CENPP: variants seen among roughly 807,000 people sequenced by gnomAD.
CENPP encodes centromere protein P.
In CENPP, 24 loss-of-function variants were observed where a neutral mutation model predicts 35.6. The observed-to-expected ratio is 0.67, with a 90% CI of 0.49 to 0.95. The LOEUF (loss-of-function observed/expected upper bound fraction) is 0.95, where lower values mean the gene tolerates loss of function less well. Among genes scored for constraint, CENPP ranks in the 40% least tolerant of loss-of-function variants. The pLI, the probability that CENPP is intolerant of heterozygous loss-of-function variation, is 0.00. For synonymous variants in CENPP, 120 were observed against 125.5 expected (o/e 0.96, Z 0.29); for missense variants, 332 against 345.3 (o/e 0.96, Z 0.31).
At chr9:92,567,399 T>TAGATAG (rs34193112) in intron 5 of CENPP, among the ~76,000 whole-genome samples, 1,730 of 136,068 alleles carry the variant, frequency 0.013, 37 homozygotes, top group African/African-American at 0.037. Flanking sequence ...TATATATAGA[T>TAGATAG]ATATATATAA....
At chr9:92,481,368 T>A (rs1016244617) in intron 5 of CENPP, among the ~76,000 whole-genome samples, 2 of 152,218 alleles carry the variant, frequency 1.3e-5, no homozygotes, top group African/African-American at 2.4e-5. Context: ...ATTTCTTTCT[T>A]TTAACAGCTT....
intron 1 of CENPP, among the ~76,000 whole-genome samples, chr9:92,330,838 G>A (rs1366372086): frequency 1.3e-5 from 2 of 151,774 alleles, no homozygotes; most frequent in Non-Finnish European, 2.9e-5. Flanking sequence ...ACAGGCACCC[G>A]CCACCACTCG....
intron 5 of CENPP, among the ~76,000 whole-genome samples, chr9:92,574,441 A>G (rs1464441228): frequency 2.0e-5 from 3 of 152,230 alleles, no homozygotes; most frequent in Non-Finnish European, 4.4e-5. Flanking sequence ...CTAACAGTGA[A>G]CAATATCTGG....
chr9:92,342,721 C>T (rs1841161376), intron 3 of CENPP, among the ~76,000 whole-genome samples: 1 of 152,216 alleles, frequency 6.6e-6, no homozygotes, highest in African/African-American at 2.4e-5. Flanking sequence ...AAACAAAGGA[C>T]TATCTCGTTT....
At chr9:92,407,576 G>C (rs1164392781) in intron 5 of CENPP, among the ~76,000 whole-genome samples, 2 of 152,190 alleles carry the variant, frequency 1.3e-5, no homozygotes, top group Non-Finnish European at 2.9e-5. Flanking sequence ...TCAAGAGCAG[G>C]CATTGTATCC....
At chr9:92,562,364 C>T (rs962622522) in intron 5 of CENPP, among the ~76,000 whole-genome samples, 2 of 151,878 alleles carry the variant, frequency 1.3e-5, no homozygotes, top group Non-Finnish European at 2.9e-5. Flanking sequence ...ACCACCACGC[C>T]CAGCTAATTT....
At chr9:92,404,574 T>C (rs1313361553) in intron 5 of CENPP, 1 of 1,293,164 alleles carries the variant, frequency 7.7e-7, no homozygotes, top group East Asian at 5.7e-5. Context: ...AGTGGGAGGG[T>C]GAATGAGAAA....
chr9:92,540,862 G>A (rs1311930726), intron 5 of CENPP, among the ~76,000 whole-genome samples: 1 of 152,130 alleles, frequency 6.6e-6, no homozygotes, highest in Non-Finnish European at 1.5e-5. Flanking sequence ...TTTGCCTTGC[G>A]AGTGTTTGCT....
intron 5 of CENPP, among the ~76,000 whole-genome samples, chr9:92,397,012 C>CA (rs1842918447): frequency 6.7e-6 from 1 of 149,838 alleles, no homozygotes; most frequent in South Asian, 2.2e-4. Context: ...CTCATCTCTA[C>CA]AAAAAAATAC....
At chr9:92,455,723 T>G (rs1414900142) in intron 5 of CENPP, among the ~76,000 whole-genome samples, 1 of 152,262 alleles carries the variant, frequency 6.6e-6, no homozygotes, top group Non-Finnish European at 1.5e-5. Context: ...GCATAGGAAT[T>G]ACATGGTGTA....
At chr9:92,505,619 A>G in intron 5 of CENPP, 1 of 1,611,178 alleles carries the variant, frequency 6.2e-7, no homozygotes, top group South Asian at 1.1e-5. Flanking sequence ...AAAGGTTTGA[A>G]AGCTAAAGGA....
intron 5 of CENPP, among the ~76,000 whole-genome samples, chr9:92,473,580 C>T (rs879296644): frequency 4.6e-5 from 7 of 152,176 alleles, no homozygotes; most frequent in African/African-American, 9.7e-5. Context: ...TTTCCACAGT[C>T]GTTCTACATG....
rs902215153 is a variant in CENPP at position 92,618,851 on chromosome 9, G to T, written c.*5702G>T. 2.9e-6 allele frequency: 1 copy of T among 350,400 alleles called. No homozygotes were observed. The highest frequency in any genetic ancestry group is 3.9e-5 in the Admixed American group (1 of 25,924). 21.7% of individuals were successfully genotyped at this position (350,400 alleles called of 1,614,324 possible). On this transcript the variant is annotated 3_prime_UTR_variant, in exon 8 of 8. Coordinates refer to ENST00000375587, the MANE Select transcript of CENPP (RefSeq NM_001012267.3). ...CTTGACCCAGGAACACATGTTAGAA[G>T]AATGTGGAACATTCCGCAAATACTG...
At chr9:92,399,246 TTCAA>T (rs1843011165) in intron 5 of CENPP, among the ~76,000 whole-genome samples, 1 of 152,198 alleles carries the variant, frequency 6.6e-6, no homozygotes, top group South Asian at 2.1e-4. Flanking sequence ...TTCAATTTTT[TTCAA>T]TCAGATAGGT....
intron 4 of CENPP, among the ~76,000 whole-genome samples, chr9:92,368,068 T>G (rs1415489001): frequency 6.6e-6 from 1 of 152,204 alleles, no homozygotes; most frequent in Non-Finnish European, 1.5e-5. Context: ...GCATGTCATG[T>G]TTTTTACTGT....
At chr9:92,537,074 C>A (rs1849198415) in intron 5 of CENPP, among the ~76,000 whole-genome samples, 1 of 151,514 alleles carries the variant, frequency 6.6e-6, no homozygotes, top group Admixed American at 6.6e-5. Context: ...TGGGGTTTCA[C>A]CATGTTGGCC....
Position 92,326,074 on chromosome 9 carries a change from C to T in CENPP, c.76C>T (p.Pro26Ser), listed in dbSNP as rs776195810. Residue 26 changes from proline to serine, a missense_variant, in exon 1 of 8, where the codon CCG becomes TCG. By Grantham distance (74) the Pro-to-Ser change is moderately conservative. Coordinates refer to ENST00000375587, the MANE Select transcript of CENPP (RefSeq NM_001012267.3). ...AALRRACEDP[P>S]APWEEKSRVQ... is the part of the protein sequence containing the mutation. ...CCTGCGGCGAGCGTGTGAGGACCCA[C>T]CGGCGCCCTGGGAAGAGAAGTCCCG... 1.9e-6 allele frequency: 3 copies of T among 1,560,382 alleles called. No homozygotes were observed. Among genetic ancestry groups the T allele is most frequent in the Non-Finnish European group, 2.6e-6 (3 of 1,152,712 alleles).
rs575060539 is a variant in CENPP at position 92,334,788 on chromosome 9, G to A, written c.289+2437G>A. 2.7e-5 allele frequency among the ~76,000 whole-genome samples: 4 copies of A among 149,924 alleles called. No homozygotes were observed. In the East Asian group the frequency reaches 6.0e-4, roughly 23 times the overall value. ...CCAGCTGCTCGGGAGGCTGAGGCAG[G>A]AGAATGGCTTGAAGCTGGGAGGCGG... On this transcript the variant is annotated intron_variant, in intron 2 of 7. Transcript: ENST00000375587.
At chr9:92,395,820 CT>C (rs879727834) in intron 5 of CENPP, among the ~76,000 whole-genome samples, 295 of 141,814 alleles carry the variant, frequency 2.1e-3, no homozygotes, top group African/African-American at 4.2e-3. Context: ...GATGACTTGT[CT>C]TTTTTTTTTT....
Sources: allele counts gnomAD v4.1 joint callset (sites outside exome capture counted in the v4.1 genomes callset), GRCh38; gene constraint gnomAD v4.1.1; transcripts MANE v1.5; gene names NCBI Gene and HGNC (gene_info 2026-07-23, HGNC 2026-07-21).